ABCC4: variants seen among roughly 807,000 people sequenced by gnomAD.
ABCC4 encodes ATP binding cassette subfamily C member 4 (PEL blood group), also known as ATP-binding cassette sub-family C member 4.
In ABCC4, 102 loss-of-function variants were observed where a neutral mutation model predicts 168.5. That is an observed-to-expected ratio of 0.61 (90% confidence interval 0.52 to 0.71). ABCC4 has a LOEUF of 0.71. Among genes scored for constraint, ABCC4 ranks in the 30% least tolerant of loss-of-function variants. The probability of loss-of-function intolerance (pLI) is 0.00; values close to 1 mark genes in which losing one functional copy is unlikely to be tolerated. For synonymous variants in ABCC4, 617 were observed against 590.7 expected (o/e 1.04, Z -0.65); for missense variants, 1,402 against 1,605.8 (o/e 0.87, Z 2.17).
At chr13:95,253,132 C>A (rs900778389) in intron 1 of ABCC4, among the ~76,000 whole-genome samples, 9 of 152,156 alleles carry the variant, frequency 5.9e-5, no homozygotes, top group African/African-American at 1.7e-4. Context: ...CACGCCTCCA[C>A]GATAGAAAGG....
chr13:95,164,054 A>AAAAG (rs781636269), intron 16 of ABCC4, among the ~76,000 whole-genome samples: 2,766 of 138,932 alleles, frequency 0.02, 48 homozygotes, highest in Non-Finnish European at 0.029. Context: ...AAAAAAAAAA[A>AAAAG]AAAGAAAGAA....
chr13:95,296,730 C>T (rs1221284203), intron 1 of ABCC4, among the ~76,000 whole-genome samples: 1 of 152,172 alleles, frequency 6.6e-6, no homozygotes, highest in Non-Finnish European at 1.5e-5. Flanking sequence ...ATGCAAAGTG[C>T]CTGCCGGGCA....
At position 95,161,123 on chromosome 13, in the gene ABCC4, T is replaced by G. The variant is rs530612955; in HGVS notation, c.2455+66A>C. The G allele has an allele frequency of 9.0e-6, 11 of 1,217,002 alleles. No individual in the cohort carries two copies. The East Asian group carries it at 3.4e-4, about 38-fold the overall frequency. The allele number at this position is 1,217,002 out of a possible 1,614,324, so 75.4% of individuals were successfully genotyped here. On this transcript the variant is annotated intron_variant, in intron 19 of 30. Coordinates refer to ENST00000645237, the MANE Select transcript of ABCC4 (RefSeq NM_005845.5). The stretch of plus-strand genomic sequence containing the variant: ...TCCCTTCCATTTTCAAAGATGGAAA[T>G]GTAATCAGATCCTAAATGTGTTGTT...
chr13:95,182,411 A>G (rs1180653627), intron 11 of ABCC4, among the ~76,000 whole-genome samples: 2 of 152,234 alleles, frequency 1.3e-5, no homozygotes, highest in Non-Finnish European at 2.9e-5. Context: ...GTGACATAAT[A>G]TTAATACATT....
At position 95,259,152 on chromosome 13, in the gene ABCC4, T is replaced by C. The variant is rs2040464846; in HGVS notation, c.75-11399A>G. 1.3e-5 allele frequency among the ~76,000 whole-genome samples: 2 copies of C among 152,068 alleles called. 1 individual carries two copies. The highest frequency in any genetic ancestry group is 1.3e-4 in the Admixed American group (2 of 15,274). On this transcript the variant is annotated intron_variant, in intron 1 of 30. Coordinates refer to ENST00000645237, the MANE Select transcript of ABCC4 (RefSeq NM_005845.5). ...CTGTAATCCCGGCACTTTAGGAGGC[T>C]GAGGCAGGTGGATCACCTGAGGTCA...
chr13:95,032,034 T>C (rs1219014866), intron 30 of ABCC4, among the ~76,000 whole-genome samples: 3 of 152,186 alleles, frequency 2.0e-5, no homozygotes, highest in South Asian at 2.1e-4. Flanking sequence ...TCCCAAATGA[T>C]TGATCGGGTT....
chr13:95,071,616 A>C (rs762225001), intron 25 of ABCC4, 46 bp downstream of exon 25: 3 of 1,381,786 alleles, frequency 2.2e-6, no homozygotes, highest in Non-Finnish European at 2.8e-6. Context: ...CAGACATAGC[A>C]CTAAATCTTC....
Position 95,100,212 on chromosome 13 carries a change from G to T in ABCC4, c.2535+15710C>A, listed in dbSNP as rs573988414. ...GGACATCATCCAATATGCCAGAATGGAAAGTTCTATGCTCTGCTGAATACC... is the reference window on the plus strand; with the variant it reads ...GGACATCATCCAATATGCCAGAATGTAAAGTTCTATGCTCTGCTGAATACC... On this transcript the variant is annotated intron_variant, in intron 20 of 30. Transcript: ENST00000645237. 3.2e-4 allele frequency among the ~76,000 whole-genome samples: 49 copies of T among 152,298 alleles called. 1 individual carries two copies. The highest frequency in any genetic ancestry group is 1.2e-3 in the African/African-American group (48 of 41,572).
At chr13:95,186,656 A>G in intron 11 of ABCC4, 45 bp downstream of exon 11, 1 of 1,553,076 alleles carries the variant, frequency 6.4e-7, no homozygotes, top group Non-Finnish European at 8.8e-7. Context: ...GAACACTAGT[A>G]TTACTGGACA....
chr13:95,048,033 C>T (rs572876105), intron 27 of ABCC4, among the ~76,000 whole-genome samples: 146 of 152,220 alleles, frequency 9.6e-4, no homozygotes, highest in African/African-American at 2.8e-3. Context: ...CACAAGGATA[C>T]CTCATTTTGT....
At chr13:95,201,977 A>C (rs550012820) in intron 8 of ABCC4, among the ~76,000 whole-genome samples, 31 of 151,986 alleles carry the variant, frequency 2.0e-4, no homozygotes, top group Non-Finnish European at 4.0e-4. Context: ...ATCTCAAAAG[A>C]AAAAAAAGAC....
intron 27 of ABCC4, 81 bp from the exon 28 acceptor site, chr13:95,044,519 C>G (rs1303967539): frequency 2.4e-6 from 3 of 1,257,968 alleles, no homozygotes; most frequent in Non-Finnish European, 3.2e-6. Context: ...TTAGAACCTT[C>G]AAGTCCCTTC....
chr13:95,068,413 G>A (rs949469146), intron 25 of ABCC4, among the ~76,000 whole-genome samples: 4 of 152,148 alleles, frequency 2.6e-5, no homozygotes, highest in Non-Finnish European at 4.4e-5. Flanking sequence ...ATTGCTTGAG[G>A]TCGGGGTTCA....
chr13:95,084,754 C>T (rs752425695), intron 20 of ABCC4, among the ~76,000 whole-genome samples: 15 of 152,236 alleles, frequency 9.9e-5, no homozygotes, highest in Admixed American at 2.6e-4. Flanking sequence ...TGTATGAGCA[C>T]GTGCAAGGCA....
chr13:95,264,871 T>C (rs1341610582), intron 1 of ABCC4, among the ~76,000 whole-genome samples: 3 of 149,580 alleles, frequency 2.0e-5, no homozygotes, highest in Non-Finnish European at 4.4e-5. Context: ...CCACTTTTTT[T>C]TTTTTTTTTT....
intron 8 of ABCC4, among the ~76,000 whole-genome samples, chr13:95,200,074 A>G (rs1048012034): frequency 1.1e-4 from 16 of 152,256 alleles, no homozygotes; most frequent in Admixed American, 2.0e-4. Context: ...GTGGTTATTT[A>G]TTAACCCCCA....
intron 1 of ABCC4, among the ~76,000 whole-genome samples, chr13:95,277,858 G>A (rs2138904785): frequency 6.6e-6 from 1 of 152,138 alleles, no homozygotes; most frequent in East Asian, 1.9e-4. Flanking sequence ...CCCCAGGAGA[G>A]GGTGGCGGGG....
At chr13:95,261,205 T>C (rs979600769) in intron 1 of ABCC4, among the ~76,000 whole-genome samples, 8 of 152,080 alleles carry the variant, frequency 5.3e-5, no homozygotes, top group African/African-American at 1.4e-4. Flanking sequence ...CCCAGCACTT[T>C]GGGAGGCCGA....
chr13:95,114,708 C>T (rs1344966920), intron 20 of ABCC4, among the ~76,000 whole-genome samples: 2 of 152,174 alleles, frequency 1.3e-5, no homozygotes, highest in Non-Finnish European at 2.9e-5. Flanking sequence ...TCATTTGCTG[C>T]CTTGCTGTGT....
Sources: gnomAD v4.1 joint callset for allele counts (sites outside exome capture counted in the v4.1 genomes callset) on GRCh38, gnomAD v4.1.1 for gene constraint, MANE v1.5 for transcripts, NCBI Gene and HGNC (gene_info 2026-07-23, HGNC 2026-07-21) for gene names.